Variants in SETD1B observed in about 807,000 individuals in gnomAD.
SETD1B encodes the protein SET domain containing 1B, histone lysine methyltransferase.
In SETD1B, 7 loss-of-function variants were observed where a neutral mutation model predicts 148.0. The observed-to-expected ratio is 0.05, with a 90% CI of 0.03 to 0.09. SETD1B has a LOEUF of 0.09. Among genes scored for constraint, SETD1B ranks in the 10% least tolerant of loss-of-function variants. The pLI, the probability that SETD1B is intolerant of heterozygous loss-of-function variation, is 1.00. For missense variants in SETD1B, 2,155 were observed against 2,729.9 expected, an observed-to-expected ratio of 0.79 and a Z score of 4.69; for synonymous variants, 1,361 against 1,186.5, an observed-to-expected ratio of 1.15 and a Z score of -3.02.
At position 121,805,599 on chromosome 12, in the gene SETD1B, C is replaced by T. The variant is rs1272382128; in HGVS notation, c.274-236C>T. On this transcript the variant is annotated intron_variant, in intron 3 of 16. Coordinates refer to ENST00000604567, the MANE Select transcript of SETD1B (RefSeq NM_001353345.2). The surrounding 1 kb of genome is among the most constrained non-coding windows in gnomAD (Gnocchi z 4.2). The stretch of plus-strand genomic sequence containing the variant: ...GAGAAACTGTTTCTTTTTCCCCTTT[C>T]CTTCCGAACCCAGAGGACTTCCACG... Among the ~76,000 whole-genome samples, 3 of 151,950 alleles carry T rather than the reference C, an allele frequency of 2.0e-5. No homozygotes were observed. The highest frequency in any genetic ancestry group is 4.8e-5 in the African/African-American group (2 of 41,352).
chr12:121,822,638 G>A lies in SETD1B; in HGVS notation c.4059G>A (p.Glu1353=), dbSNP rs1480575920. The A allele has an allele frequency of 1.5e-5, 23 of 1,551,088 alleles. No homozygotes were observed. The highest frequency in any genetic ancestry group is 5.9e-5 in the Admixed American group (3 of 50,956). Residue 1353 remains glutamate, a synonymous_variant, in exon 12 of 17, where the codon GAG becomes GAA. Coordinates refer to ENST00000604567, the MANE Select transcript of SETD1B (RefSeq NM_001353345.2). ...TDASHPSVPP[E]PLAEDHPPHT... ...CCTCACACCCATCTGTCCCTCCGGA[G>A]CCCCTTGCCGAGGACCACCCCCCGC...
chr12:121,815,469 A>AT lies in SETD1B; in HGVS notation c.2715+540dup, dbSNP rs1876247987. On this transcript the variant is annotated intron_variant, in intron 7 of 16. Transcript: ENST00000604567. ...AACTTGACTCCCCTCACCTCCCCTC[A>AT]TGCCGCCTTTTACACGGAGCCCTGT... Among the ~76,000 whole-genome samples, 6 of 148,672 alleles carry AT rather than the reference A, an allele frequency of 4.0e-5. No individual in the cohort carries two copies. The East Asian group carries it at 1.2e-3, about 30-fold the overall frequency.
At chr12:121,818,858 C>T (rs1876426155) in intron 10 of SETD1B, among the ~76,000 whole-genome samples, 1 of 150,960 alleles carries the variant, frequency 6.6e-6, no homozygotes, top group Non-Finnish European at 1.5e-5. Flanking sequence ...CCACTGCACT[C>T]CACCCTGGGC....
chr12:121,825,489 G>A, intron 13 of SETD1B, 123 bp downstream of exon 13: 1 of 860,146 alleles, frequency 1.2e-6, no homozygotes, highest in Admixed American at 2.9e-5. Flanking sequence ...GGCACACAGA[G>A]GGTGCAAGTG....
chr12:121,796,334 G>C, the SETD1B span: 3 of 152,882 alleles, frequency 2.0e-5, no homozygotes, highest in Non-Finnish European at 2.9e-5. Context: ...GCGGCCGGGT[G>C]GCATTTGTGG....
chr12:121,822,999 C>T lies in SETD1B; in HGVS notation c.4420C>T (p.Leu1474Phe). 4 of 1,529,254 alleles carry T rather than the reference C, an allele frequency of 2.6e-6. No homozygotes were observed. Among genetic ancestry groups the T allele is most frequent in the Non-Finnish European group, 3.5e-6 (4 of 1,139,776 alleles). 94.7% of individuals were successfully genotyped at this position (1,529,254 alleles called of 1,614,324 possible). ...SPVLLETGLP[L>F]PLPLPLPLPL... ...GGTGCTCCTGGAGACGGGCCTGCCCCTCCCTCTGCCCCTTCCCCTGCCCTT... is the reference window on the plus strand; with the variant it reads ...GGTGCTCCTGGAGACGGGCCTGCCCTTCCCTCTGCCCCTTCCCCTGCCCTT... Residue 1474 changes from leucine (L) to phenylalanine (F), a missense_variant, in exon 12 of 17, where the codon CTC becomes TTC. By Grantham distance (22) the Leu-to-Phe change is conservative. Around this residue, in one of 11 missense-constraint regions of SETD1B, gnomAD observed 862 missense variants for 873.8 expected, o/e 0.99. Transcript: ENST00000604567.
At chr12:121,822,059 CA>C (rs1324796956) in intron 11 of SETD1B, among the ~76,000 whole-genome samples, 3 of 151,694 alleles carry the variant, frequency 2.0e-5, no homozygotes, top group Non-Finnish European at 4.4e-5. Context: ...CCACCCGTCT[CA>C]AAAATAAAAA....
chr12:121,810,425 A>G lies in SETD1B; in HGVS notation c.1480A>G (p.Lys494Glu). The change falls in exon 6 of 17, where the codon AAA becomes GAA. Residue 494 changes from lysine to glutamate, a missense_variant. Coordinates refer to ENST00000604567, the MANE Select transcript of SETD1B (RefSeq NM_001353345.2). This position sits in a 1 kb window ranked among gnomAD's most constrained non-coding sequence, Gnocchi z 7.6. ...GGAGTCGTCCCCTGCAGGGCCAGAGAAACCCCACGACAGCCTGGACTCGCG... is the reference window on the plus strand; with the variant it reads ...GGAGTCGTCCCCTGCAGGGCCAGAGGAACCCCACGACAGCCTGGACTCGCG... ...TLESSPAGPE[K>E]PHDSLDSRIE... is the part of the protein sequence containing the mutation. 1.3e-6 allele frequency: 2 copies of G among 1,549,214 alleles called. No individual in the cohort carries two copies. The highest frequency in any genetic ancestry group is 1.4e-5 in the African/African-American group (1 of 73,154).
chr12:121,805,253 C>T lies in SETD1B; in HGVS notation c.273+37C>T, dbSNP rs1461544072. 4.1e-6 allele frequency: 6 copies of T among 1,476,840 alleles called. No homozygotes were observed. Among genetic ancestry groups the T allele is most frequent in the Non-Finnish European group, 5.5e-6 (6 of 1,081,954 alleles). 91.5% of individuals were successfully genotyped at this position (1,476,840 alleles called of 1,614,324 possible). A position where few individuals can be genotyped will look rare whatever the true frequency, so the allele number is the denominator to read the frequency against. ...CCCCACTGCCCCGCCGTCCCTCCCCCACCTCCCCGAGTTCGAAAATAACGC... is the reference window on the plus strand; with the variant it reads ...CCCCACTGCCCCGCCGTCCCTCCCCTACCTCCCCGAGTTCGAAAATAACGC... On this transcript the variant is annotated intron_variant, in intron 3 of 16. Transcript: ENST00000604567. This position sits in a 1 kb window ranked among gnomAD's most constrained non-coding sequence, Gnocchi z 4.2.
rs199518815 is a variant in SETD1B, at chr12:121,806,187, A to AC, written c.544+89dup. 2,680 of 1,406,740 alleles carry AC rather than the reference A, an allele frequency of 1.9e-3. 6 individuals carry two copies. Among genetic ancestry groups the AC allele is most frequent in the Non-Finnish European group, 2.3e-3 (2,436 of 1,046,150 alleles). 87.1% of individuals were successfully genotyped at this position (1,406,740 alleles called of 1,614,324 possible). A position where few individuals can be genotyped will look rare whatever the true frequency, so the allele number is the denominator to read the frequency against. ...CCACCCTTCCTGCAGCGTGGGGAGG[A>AC]CCCCCCCTCACTCTTCCTTGGGATC... is the stretch of plus-strand genomic sequence containing the variant. On this transcript the variant is annotated intron_variant, in intron 4 of 16. Transcript: ENST00000604567.
At chr12:121,797,654 C>A in the SETD1B span, 1 of 454,942 alleles carries the variant, frequency 2.2e-6, no homozygotes, top group South Asian at 1.6e-5. Context: ...GGGAGGGAGA[C>A]GTACATCAAT....
rs1332720587 is a variant in SETD1B at position 121,810,178 on chromosome 12, G to A, written c.1233G>A (p.Pro411=). 1.5e-5 allele frequency: 23 copies of A among 1,549,644 alleles called. No homozygotes were observed. Among genetic ancestry groups the A allele is most frequent in the East Asian group, 1.2e-4 (5 of 40,882 alleles). ...QTPVAHFPPP[P]EEPTATAAFG... ...CAGTGGCCCACTTCCCTCCACCCCC[G>A]GAAGAGCCCACCGCCACAGCCGCTT... The change falls in exon 6 of 17, where the codon CCG becomes CCA. Residue 411 remains proline, a synonymous_variant. Transcript: ENST00000604567. The surrounding 1 kb of genome is among the most constrained non-coding windows in gnomAD (Gnocchi z 7.6).
At chr12:121,826,885 C>T (rs1205769613) in intron 13 of SETD1B, among the ~76,000 whole-genome samples, 2 of 151,560 alleles carry the variant, frequency 1.3e-5, no homozygotes, top group East Asian at 3.9e-4. Context: ...GGACACCAGG[C>T]CTGAGATGGG....
Position 121,830,041 on chromosome 12 carries a change from A to G in SETD1B, c.5728-25A>G. Reference sequence around the variant, plus strand: ...GGGGACCCTGGGGGACCAGGGGCTCATTCTCCCCCCCACCTTGCCTGCAGC... The same window carrying G: ...GGGGACCCTGGGGGACCAGGGGCTCGTTCTCCCCCCCACCTTGCCTGCAGC... On this transcript the variant is annotated intron_variant, in intron 16 of 16. Transcript: ENST00000604567. This position sits in a 1 kb window ranked among gnomAD's most constrained non-coding sequence, Gnocchi z 5.7. The G allele has an allele frequency of 6.5e-7, 1 of 1,541,124 alleles. No homozygotes were observed. The highest frequency in any genetic ancestry group is 8.8e-7 in the Non-Finnish European group (1 of 1,139,688).
chr12:121,797,029 CAA>C, the SETD1B span, among the ~76,000 whole-genome samples: 67 of 98,086 alleles, frequency 6.8e-4, no homozygotes, highest in Admixed American at 5.4e-4. Context: ...AACTCTGTCT[CAA>C]AAAAAAAAAA....
chr12:121,822,864 G>A lies in SETD1B; in HGVS notation c.4285G>A (p.Asp1429Asn). ...GGGCCTCCCTCGGACACCTGGCCGG[G>A]ACTTCAGCTTCACACCCACCTTCTC... ...SGGLPRTPGRDFSFTPTFSEP... is the reference protein window; with the variant it reads ...SGGLPRTPGRNFSFTPTFSEP... The change falls in exon 12 of 17, where the codon GAC becomes AAC. Residue 1429 changes from aspartate to asparagine, a missense_variant. Physicochemically the swap from Asp to Asn is conservative, Grantham distance 23. Around this residue, in one of 11 missense-constraint regions of SETD1B, gnomAD observed 862 missense variants for 873.8 expected, o/e 0.99. Coordinates refer to ENST00000604567, the MANE Select transcript of SETD1B (RefSeq NM_001353345.2). 6.7e-7 allele frequency: 1 copy of A among 1,488,062 alleles called. No homozygotes were observed. The highest frequency in any genetic ancestry group is 9.0e-7 in the Non-Finnish European group (1 of 1,113,584). 92.2% of individuals were successfully genotyped at this position (1,488,062 alleles called of 1,614,324 possible).
chr12:121,814,252 G>A lies in SETD1B; in HGVS notation c.2037G>A (p.Leu679=). The A allele has an allele frequency of 6.8e-7, 1 of 1,461,806 alleles. No homozygotes were observed. Among genetic ancestry groups the A allele is most frequent in the Non-Finnish European group, 9.0e-7 (1 of 1,110,000 alleles). 90.6% of individuals were successfully genotyped at this position (1,461,806 alleles called of 1,614,324 possible). ...CCCCTTCTGTGCTAGCCCCAACCCT[G>A]CCGCTGCCCCCGCCACCTGGCTTCC... ...VAAPSVLAPT[L]PLPPPPGFPP... The change falls in exon 7 of 17, where the codon CTG becomes CTA. Residue 679 remains leucine (L), a synonymous_variant. Coordinates refer to ENST00000604567, the MANE Select transcript of SETD1B (RefSeq NM_001353345.2).
chr12:121,809,632 TGGA>T lies in SETD1B; in HGVS notation c.690_692del (p.Gly231del). 1 of 1,551,114 alleles carries T rather than the reference TGGA, an allele frequency of 6.4e-7. No individual in the cohort carries two copies. Among genetic ancestry groups the T allele is most frequent in the Non-Finnish European group, 8.7e-7 (1 of 1,146,722 alleles). Reference sequence around the variant, plus strand: ...CAGATGCCCTGAAGCGCCTCAAGGATGGAGGCCTGTCTGCAGGCTGTGGCTCCG... The same window carrying T: ...CAGATGCCCTGAAGCGCCTCAAGGATGGCCTGTCTGCAGGCTGTGGCTCCG... On this transcript the variant is annotated inframe_deletion, in exon 6 of 17. Transcript: ENST00000604567.
chr12:121,814,393 C>A lies in SETD1B; in HGVS notation c.2178C>A (p.Pro726=). ...PPPAHPAVTV[P]PPPLPAPPGV... ...CAGCCCACCCTGCTGTGACAGTGCC[C>A]CCACCACCCTTGCCAGCGCCGCCTG... is the stretch of plus-strand genomic sequence containing the variant. Residue 726 remains proline, a synonymous_variant, in exon 7 of 17, where the codon CCC becomes CCA. Coordinates refer to ENST00000604567, the MANE Select transcript of SETD1B (RefSeq NM_001353345.2). 7.6e-7 allele frequency: 1 copy of A among 1,323,914 alleles called. No individual in the cohort carries two copies. The highest frequency in any genetic ancestry group is 1.0e-6 in the Non-Finnish European group (1 of 1,004,360). The allele number at this position is 1,323,914 out of a possible 1,614,324, so 82.0% of individuals were successfully genotyped here. A position where few individuals can be genotyped will look rare whatever the true frequency, so the allele number is the denominator to read the frequency against.
Sources: gnomAD v4.1 joint callset for allele counts (sites outside exome capture counted in the v4.1 genomes callset) on GRCh38, gnomAD v4.1.1 for gene constraint, gnomAD v4.1.1 regional missense constraint, Gnocchi (gnomAD v3.1) non-coding constraint, MANE v1.5 for transcripts, NCBI Gene and HGNC (gene_info 2026-07-23, HGNC 2026-07-21) for gene names.